The following FREM3 variants were observed in gnomAD, a reference collection of about 807,000 sequenced individuals.
The protein encoded by FREM3 is FRAS1-related extracellular matrix protein 3.
Under a neutral mutation model 129.1 loss-of-function variants are expected in FREM3, and 105 were observed. That is an observed-to-expected ratio of 0.81 (90% CI 0.69 to 0.96). The LOEUF is 0.96. Ranked by LOEUF, FREM3 falls within the 40% of genes least tolerant of loss-of-function variation. The pLI is 0.00. For synonymous variants in FREM3, 1,014 were observed against 1,044.9 expected (o/e 0.97, Z 0.57); for missense variants, 2,593 against 2,666.3 (o/e 0.97, Z 0.61).
intron 6 of FREM3, among the ~76,000 whole-genome samples, chr4:143,594,547 G>C (rs1044581849): frequency 2.0e-5 from 3 of 152,140 alleles, no homozygotes; most frequent in African/African-American, 7.2e-5. Flanking sequence ...TTATTACAAA[G>C]TTTGTTGAAA....
In FREM3 at chr4:143,585,412, G is replaced by A. The variant is rs911128515; in HGVS notation, c.6178+432C>T. Among the ~76,000 whole-genome samples, 2 of 152,224 alleles carry A rather than the reference G, an allele frequency of 1.3e-5. No individual in the cohort carries two copies. The highest frequency in any genetic ancestry group is 1.3e-4 in the Admixed American group (2 of 15,282). On this transcript the variant is annotated intron_variant, in intron 7 of 7. Transcript: ENST00000329798. This position sits in a 1 kb window ranked among gnomAD's most constrained non-coding sequence, Gnocchi z 4.2. ...AATGCAAAGGTGAGCAGGGCATGAA[G>A]ACATGCTGTTTGAAGCTAAGGCAAA...
chr4:143,665,679 C>G (rs1739845954), intron 2 of FREM3, among the ~76,000 whole-genome samples: 1 of 152,008 alleles, frequency 6.6e-6, no homozygotes, highest in Non-Finnish European at 1.5e-5. Context: ...GTAATGCTAA[C>G]CATAATGAAT....
intron 2 of FREM3, among the ~76,000 whole-genome samples, chr4:143,674,411 C>A (rs554142460): frequency 1.3e-5 from 2 of 152,262 alleles, no homozygotes; most frequent in East Asian, 1.9e-4. Context: ...TGGAAGGGAA[C>A]AACCGGTACC....
At chr4:143,657,237 A>G (rs1215732632) in intron 2 of FREM3, among the ~76,000 whole-genome samples, 5 of 152,254 alleles carry the variant, frequency 3.3e-5, no homozygotes, top group African/African-American at 1.2e-4. Flanking sequence ...ACTTGTTTGT[A>G]TAATAGTTTC....
chr4:143,664,362 T>A (rs1415874372), intron 2 of FREM3, among the ~76,000 whole-genome samples: 1 of 152,122 alleles, frequency 6.6e-6, no homozygotes, highest in African/African-American at 2.4e-5. Flanking sequence ...CCAGACCCTG[T>A]TTGCCTAGGT....
intron 1 of FREM3, among the ~76,000 whole-genome samples, chr4:143,694,468 T>C (rs1740529832): frequency 6.6e-6 from 1 of 152,266 alleles, no homozygotes; most frequent in African/African-American, 2.4e-5. Flanking sequence ...TATGAAGGTC[T>C]ATAATTATGT....
At position 143,697,505 on chromosome 4, in the gene FREM3, C is replaced by G; in HGVS notation, c.3171G>C (p.Gln1057His). ...VVGNSIIEKVQVQVTVLPVDN... is the reference protein window; with the variant it reads ...VVGNSIIEKVHVQVTVLPVDN... ...CCACAGGCAGCACAGTTACTTGTAC[C>G]TGTACTTTCTCTATTATGCTATTCC... is the stretch of plus-strand genomic sequence containing the variant. The change falls in exon 1 of 8, where the codon CAG becomes CAC. Residue 1057 changes from glutamine (Q) to histidine (H), a missense_variant. Transcript: ENST00000329798. 6.5e-7 allele frequency: 1 copy of G among 1,537,272 alleles called. No homozygotes were observed. The highest frequency in any genetic ancestry group is 8.7e-7 in the Non-Finnish European group (1 of 1,146,922).
chr4:143,587,418 A>C (rs574428867), intron 6 of FREM3, among the ~76,000 whole-genome samples: 12 of 152,216 alleles, frequency 7.9e-5, no homozygotes, highest in African/African-American at 9.7e-5. Context: ...GCCTGCACTC[A>C]GAAAAGGGTG....
intron 2 of FREM3, among the ~76,000 whole-genome samples, chr4:143,676,044 A>G (rs1201245605): frequency 2.0e-5 from 3 of 152,202 alleles, no homozygotes; most frequent in African/African-American, 4.8e-5. Context: ...CATTTTATGA[A>G]GCCAGCATTA....
intron 2 of FREM3, among the ~76,000 whole-genome samples, chr4:143,632,816 A>T (rs1739163135): frequency 6.6e-6 from 1 of 152,142 alleles, no homozygotes; most frequent in Non-Finnish European, 1.5e-5. Flanking sequence ...GAGCTAAAAA[A>T]AAAATCCAAA....
intron 2 of FREM3, among the ~76,000 whole-genome samples, chr4:143,685,931 G>T (rs554510089): frequency 4.3e-4 from 65 of 152,234 alleles, no homozygotes; most frequent in African/African-American, 1.5e-3. Flanking sequence ...GTTGATGGGT[G>T]CCCCAAACCA....
chr4:143,613,151 A>C (rs1260642953), intron 5 of FREM3, among the ~76,000 whole-genome samples: 2 of 152,244 alleles, frequency 1.3e-5, no homozygotes, highest in South Asian at 4.1e-4. Flanking sequence ...GAAAGAACAA[A>C]AATTTTAGAA....
At chr4:143,646,766 G>C (rs115723512) in intron 2 of FREM3, among the ~76,000 whole-genome samples, 2 of 152,194 alleles carry the variant, frequency 1.3e-5, no homozygotes, top group African/African-American at 4.8e-5. Flanking sequence ...GACTAATGCA[G>C]TAAATTTGAT....
chr4:143,681,218 C>A (rs1302816238), intron 2 of FREM3, among the ~76,000 whole-genome samples: 1 of 151,982 alleles, frequency 6.6e-6, no homozygotes, highest in Non-Finnish European at 1.5e-5. Context: ...GATTTTTATT[C>A]CTTAAGCCCA....
intron 2 of FREM3, among the ~76,000 whole-genome samples, chr4:143,675,646 G>A (rs953423777): frequency 2.0e-5 from 3 of 151,944 alleles, no homozygotes; most frequent in East Asian, 1.9e-4. Context: ...ACTGCTAGAA[G>A]GACTAATAAA....
At chr4:143,615,428 T>C (rs1738826268) in intron 5 of FREM3, among the ~76,000 whole-genome samples, 1 of 152,158 alleles carries the variant, frequency 6.6e-6, no homozygotes, top group African/African-American at 2.4e-5. Context: ...GCAGGAGGCT[T>C]TTGGACCCCA....
At chr4:143,649,197 T>C (rs1040299720) in intron 2 of FREM3, 1 of 152,254 alleles carries the variant, frequency 6.6e-6, no homozygotes, top group Admixed American at 6.5e-5. Context: ...TAAATTTCAT[T>C]GTAAAGTTTT....
intron 2 of FREM3, among the ~76,000 whole-genome samples, chr4:143,661,134 G>A (rs1739711623): frequency 6.6e-6 from 1 of 152,194 alleles, no homozygotes; most frequent in African/African-American, 2.4e-5. Context: ...AATAGGAGTG[G>A]TGAGAGAGGG....
intron 2 of FREM3, among the ~76,000 whole-genome samples, chr4:143,672,645 C>A (rs947948740): frequency 2.0e-5 from 3 of 152,180 alleles, no homozygotes; most frequent in African/African-American, 7.2e-5. Flanking sequence ...GCCTGTCTGG[C>A]TAGGTTGGGG....
Sources: allele counts gnomAD v4.1 joint callset (sites outside exome capture counted in the v4.1 genomes callset), GRCh38; gene constraint gnomAD v4.1.1; non-coding constraint Gnocchi (gnomAD v3.1); transcripts MANE v1.5; gene names NCBI Gene and HGNC (gene_info 2026-07-23, HGNC 2026-07-21).